EPHA5: variants seen among roughly 807,000 people sequenced by gnomAD.
The protein encoded by EPHA5 is ephrin type-A receptor 5.
EPHA5 carries 60 observed loss-of-function variants against 105.0 expected under a neutral mutation model. The observed-to-expected ratio is 0.57, with a 90% confidence interval of 0.46 to 0.71. EPHA5 has a LOEUF of 0.71. Among genes scored for constraint, EPHA5 ranks in the 30% least tolerant of loss-of-function variants. EPHA5 has a pLI of 0.00. For synonymous variants in EPHA5, 513 were observed against 449.1 expected (o/e 1.14, Z -1.80); for missense variants, 1,218 against 1,274.7 (o/e 0.96, Z 0.68).
At chr4:65,428,263 C>A (rs944652163) in intron 5 of EPHA5, among the ~76,000 whole-genome samples, 3 of 151,940 alleles carry the variant, frequency 2.0e-5, no homozygotes, top group South Asian at 2.1e-4. Context: ...TACACACTCA[C>A]AAATGTGCAA....
At chr4:65,381,965 T>C (rs754856379) in intron 8 of EPHA5, among the ~76,000 whole-genome samples, 18 of 151,826 alleles carry the variant, frequency 1.2e-4, no homozygotes, top group South Asian at 2.1e-4. Flanking sequence ...ACCCAAACTC[T>C]ACCACATTAT....
At chr4:65,563,109 T>C (rs1258219694) in intron 3 of EPHA5, among the ~76,000 whole-genome samples, 2 of 152,102 alleles carry the variant, frequency 1.3e-5, no homozygotes, top group Admixed American at 6.6e-5. Context: ...TCTTTTTTTT[T>C]CTCACTATTT....
intron 14 of EPHA5, among the ~76,000 whole-genome samples, chr4:65,339,479 A>T (rs1480714333): frequency 6.6e-6 from 1 of 152,172 alleles, no homozygotes; most frequent in Non-Finnish European, 1.5e-5. Context: ...ACAAAGTATA[A>T]TGAAACCAAT....
Position 65,649,286 on chromosome 4 carries a change from A to C in EPHA5, c.182-5859T>G, listed in dbSNP as rs150825731. On this transcript the variant is annotated intron_variant, in intron 1 of 16. Coordinates refer to ENST00000613740, the MANE Select transcript of EPHA5 (RefSeq NM_001281766.3). ...TGCAGCCAAGTCAGTCCTCTACTTA[A>C]GACCTAAACATCAGATCACTTTATT... is the stretch of plus-strand genomic sequence containing the variant. Among the ~76,000 whole-genome samples the C allele has an allele frequency of 2.0e-5, 3 of 152,332 alleles. No homozygotes were observed. The East Asian group carries it at 5.8e-4, about 29-fold the overall frequency.
chr4:65,527,343 CAA>C (rs1346507918), intron 3 of EPHA5, among the ~76,000 whole-genome samples: 8 of 151,884 alleles, frequency 5.3e-5, no homozygotes, highest in African/African-American at 1.9e-4. Context: ...TAAAAGTTGT[CAA>C]GTTATACGTG....
chr4:65,431,362 A>G (rs1276356618), intron 5 of EPHA5, among the ~76,000 whole-genome samples: 2 of 152,208 alleles, frequency 1.3e-5, no homozygotes, highest in East Asian at 3.8e-4. Context: ...ATATTTCACA[A>G]ACTTTGATAC....
At position 65,470,181 on chromosome 4, in the gene EPHA5, TTTTC is replaced by T. The variant is rs200383052; in HGVS notation, c.1402+20192_1402+20195del. On this transcript the variant is annotated intron_variant, in intron 5 of 16. Transcript: ENST00000613740. The stretch of plus-strand genomic sequence containing the variant: ...TGAAGAAGTCTGTGAAGAGTTTTCT[TTTTC>T]TTTCTTTGTTTTTTTTTTTTTTCTT... Among the ~76,000 whole-genome samples, 979 of 151,020 alleles carry T rather than the reference TTTTC, an allele frequency of 6.5e-3. 6 individuals are homozygous for T. The highest frequency in any genetic ancestry group is 0.015 in the African/African-American group (610 of 41,122).
chr4:65,389,745 T>C (rs1039999047), intron 8 of EPHA5, among the ~76,000 whole-genome samples: 1 of 152,030 alleles, frequency 6.6e-6, no homozygotes, highest in Non-Finnish European at 1.5e-5. Flanking sequence ...TTGAGAACTA[T>C]TGGAGGTAGG....
chr4:65,654,717 AT>A (rs1163986663), intron 1 of EPHA5, among the ~76,000 whole-genome samples: 1 of 147,224 alleles, frequency 6.8e-6, no homozygotes, highest in Admixed American at 6.8e-5. Flanking sequence ...GTATAAATAT[AT>A]TTTTATATAT....
chr4:65,551,278 G>GTA (rs1481651009), intron 3 of EPHA5, among the ~76,000 whole-genome samples: 6 of 105,242 alleles, frequency 5.7e-5, no homozygotes, highest in Admixed American at 8.8e-5. Context: ...GTGTGTGTGT[G>GTA]TGTATATATA....
chr4:65,491,833 A>G (rs1194577664), intron 4 of EPHA5, among the ~76,000 whole-genome samples: 2 of 152,124 alleles, frequency 1.3e-5, no homozygotes, highest in African/African-American at 4.8e-5. Context: ...AGAATAATAG[A>G]GAGAACAAAA....
At chr4:65,524,075 C>A (rs1265316602) in intron 3 of EPHA5, among the ~76,000 whole-genome samples, 3 of 151,316 alleles carry the variant, frequency 2.0e-5, no homozygotes, top group Admixed American at 6.6e-5. Context: ...AACATTGCTT[C>A]ACCATATACT....
intron 5 of EPHA5, among the ~76,000 whole-genome samples, chr4:65,477,086 T>A (rs1392531957): frequency 1.3e-5 from 2 of 152,174 alleles, no homozygotes; most frequent in Non-Finnish European, 2.9e-5. Flanking sequence ...GTTGTGCTCC[T>A]AAGAAAAGAT....
At chr4:65,599,348 A>AACACACACAC (rs71657190) in intron 3 of EPHA5, among the ~76,000 whole-genome samples, 18,994 of 148,516 alleles carry the variant, frequency 0.13, 1,303 homozygotes, top group East Asian at 0.2. Flanking sequence ...GGCATTTTAT[A>AACACACACAC]ACACACACAC....
intron 3 of EPHA5, among the ~76,000 whole-genome samples, chr4:65,554,165 T>C (rs4860184): frequency 0.87 from 130,860 of 150,012 alleles, 57,197 homozygotes; most frequent in Admixed American, 0.9. Flanking sequence ...AAAAAAAAAA[T>C]TGAGAAACTT....
At chr4:65,623,147 T>C (rs1239525979) in intron 2 of EPHA5, among the ~76,000 whole-genome samples, 2 of 152,084 alleles carry the variant, frequency 1.3e-5, no homozygotes, top group Admixed American at 1.3e-4. Flanking sequence ...ATCCCACTTT[T>C]ATTAAGAAAA....
At chr4:65,608,820 C>A (rs1744487492) in intron 2 of EPHA5, among the ~76,000 whole-genome samples, 1 of 152,148 alleles carries the variant, frequency 6.6e-6, no homozygotes, top group Non-Finnish European at 1.5e-5. Flanking sequence ...AAACAACTGG[C>A]ATACTAATTA....
chr4:65,348,116 T>G lies in EPHA5; in HGVS notation c.2533A>C (p.Ile845Leu). The G allele has an allele frequency of 6.2e-7, 1 of 1,613,646 alleles. No homozygotes were observed. Among genetic ancestry groups the G allele is most frequent in the Non-Finnish European group, 8.5e-7 (1 of 1,179,764 alleles). The part of the protein sequence containing the change: ...TSASDVWSYG[I>L]VMWEVVSYGE... ...TAAGACACAACTTCCCACATTACTATTCCATAACTCCAGACATCACTGGCA... is the reference window on the plus strand; with the variant it reads ...TAAGACACAACTTCCCACATTACTAGTCCATAACTCCAGACATCACTGGCA... The change falls in exon 14 of 17, where the codon ATA becomes CTA. Residue 845 changes from isoleucine (I) to leucine (L), a missense_variant. By Grantham distance (5) the Ile-to-Leu change is conservative. Around this residue, in one of 3 missense-constraint regions of EPHA5, gnomAD observed 971 missense variants for 1,013.5 expected, o/e 0.96. Coordinates refer to ENST00000613740, the MANE Select transcript of EPHA5 (RefSeq NM_001281766.3).
intron 13 of EPHA5, among the ~76,000 whole-genome samples, chr4:65,349,345 G>GC (rs72599724): frequency 3.9e-5 from 4 of 101,438 alleles, no homozygotes; most frequent in African/African-American, 1.3e-4. Context: ...AAATTGATTT[G>GC]GAGACTTTCT....
Sources: allele counts gnomAD v4.1 joint callset (sites outside exome capture counted in the v4.1 genomes callset), GRCh38; gene constraint gnomAD v4.1.1; regional missense constraint gnomAD v4.1.1; transcripts MANE v1.5; gene names NCBI Gene and HGNC (gene_info 2026-07-23, HGNC 2026-07-21).